ZCCHC24: variants seen among roughly 807,000 people sequenced by gnomAD.
ZCCHC24 encodes zinc finger CCHC domain-containing protein 24.
ZCCHC24 carries 10 observed loss-of-function variants against 26.2 expected under a neutral mutation model. The ratio of observed to expected loss-of-function variants is 0.38; its 90% CI spans 0.24 to 0.65. The LOEUF (loss-of-function observed/expected upper bound fraction) is 0.65. Ranked by LOEUF, ZCCHC24 falls within the 30% of genes least tolerant of loss-of-function variation. The pLI, the probability that ZCCHC24 is intolerant of heterozygous loss-of-function variation, is 0.54. For synonymous variants in ZCCHC24, 144 were observed against 147.1 expected, an observed-to-expected ratio of 0.98 and a Z score of 0.15; for missense variants, 243 against 329.1, an observed-to-expected ratio of 0.74 and a Z score of 2.03.
Position 79,437,531 on chromosome 10 carries a change from G to A in ZCCHC24, c.247-4773C>T, listed in dbSNP as rs545282310. On this transcript the variant is annotated intron_variant, in intron 1 of 3. Coordinates refer to ENST00000372336, the MANE Select transcript of ZCCHC24 (RefSeq NM_153367.4). ...TTGCCCAAGGTAACGCAGCCAGCAC[G>A]TGTTGCCCTGTTATATTTCAGCCTC... 7.9e-4 allele frequency among the ~76,000 whole-genome samples: 120 copies of A among 152,338 alleles called. 3 individuals are homozygous for A. The highest frequency in any genetic ancestry group is 2.5e-3 in the African/African-American group (104 of 41,580).
Position 79,445,549 on chromosome 10 carries a change from C to T in ZCCHC24, c.-109G>A, listed in dbSNP as rs1323423094. ...TGCCCACTGCCCGCCTCCCGAGCCC[C>T]GACGGTGATCGCCCCGCGCCCTGCG... On this transcript the variant is annotated 5_prime_UTR_variant, in exon 1 of 4. Coordinates refer to ENST00000372336, the MANE Select transcript of ZCCHC24 (RefSeq NM_153367.4). The T allele has an allele frequency of 4.0e-6, 4 of 995,680 alleles. No homozygotes were observed. The highest frequency in any genetic ancestry group is 5.0e-6 in the Non-Finnish European group (4 of 794,628). The allele number at this position is 995,680 out of a possible 1,614,324, so 61.7% of individuals were successfully genotyped here. A position where few individuals can be genotyped will look rare whatever the true frequency, so the allele number is the denominator to read the frequency against.
At chr10:79,431,750 C>T (rs1233465233) in intron 2 of ZCCHC24, among the ~76,000 whole-genome samples, 9 of 151,822 alleles carry the variant, frequency 5.9e-5, no homozygotes, top group Admixed American at 1.3e-4. Flanking sequence ...CCATTACAAA[C>T]GTAAAATAAA....
intron 2 of ZCCHC24, among the ~76,000 whole-genome samples, chr10:79,403,744 C>A (rs1333948833): frequency 6.6e-6 from 1 of 152,192 alleles, no homozygotes. Context: ...CCCCTCCCAC[C>A]CCCGTTCCCA....
At chr10:79,393,321 T>C (rs1009554796) in intron 3 of ZCCHC24, among the ~76,000 whole-genome samples, 1 of 152,196 alleles carries the variant, frequency 6.6e-6, no homozygotes, top group African/African-American at 2.4e-5. Context: ...TGGTTTCATT[T>C]CCAACATCTG....
chr10:79,442,167 T>C (rs1339447114), intron 1 of ZCCHC24, among the ~76,000 whole-genome samples: 1 of 152,196 alleles, frequency 6.6e-6, no homozygotes, highest in Non-Finnish European at 1.5e-5. Flanking sequence ...AGATCAGGTT[T>C]TTGAAACTGG....
chr10:79,385,748 AG>A lies in ZCCHC24; in HGVS notation c.*596del, dbSNP rs1856381456. ...ATAGCGTGGGGAGGGGGGCACACCC[AG>A]GTGCAATGCCAGTGATGTCAGAGGG... On this transcript the variant is annotated 3_prime_UTR_variant, in exon 4 of 4. Coordinates refer to ENST00000372336, the MANE Select transcript of ZCCHC24 (RefSeq NM_153367.4). The surrounding 1 kb of genome is among the most constrained non-coding windows in gnomAD (Gnocchi z 4.3). 6.1e-6 allele frequency: 1 copy of A among 163,606 alleles called. No homozygotes were observed. Among genetic ancestry groups the A allele is most frequent in the African/African-American group, 2.4e-5 (1 of 41,880 alleles). 10.1% of individuals were successfully genotyped at this position (163,606 alleles called of 1,614,324 possible).
At chr10:79,405,748 G>T (rs1480764309) in intron 2 of ZCCHC24, among the ~76,000 whole-genome samples, 1 of 152,248 alleles carries the variant, frequency 6.6e-6, no homozygotes, top group African/African-American at 2.4e-5. Flanking sequence ...GCCCTGGGAG[G>T]AGGGGACAGG....
In ZCCHC24 at chr10:79,445,275, C is replaced by G. The variant is rs1386206653; in HGVS notation, c.166G>C (p.Gly56Arg). The G allele has an allele frequency of 2.1e-6, 3 of 1,462,678 alleles. No homozygotes were observed. Among genetic ancestry groups the G allele is most frequent in the Admixed American group, 2.5e-5 (1 of 40,354 alleles). The allele number at this position is 1,462,678 out of a possible 1,614,324, so 90.6% of individuals were successfully genotyped here. Residue 56 changes from glycine to arginine, a missense_variant, in exon 1 of 4, where the codon GGC becomes CGC. By Grantham distance (125) the Gly-to-Arg change is moderately radical (BLOSUM62 -2). This residue lies in a region of ZCCHC24 where 147 missense variants were observed against 150.8 expected (regional missense o/e 0.97). Coordinates refer to ENST00000372336, the MANE Select transcript of ZCCHC24 (RefSeq NM_153367.4). ...CCCAGCTGCTCGGGGCGGCCCTTGCCGAAGGCCAGCTCCGGGGGTGCGGCG... is the reference window on the plus strand; with the variant it reads ...CCCAGCTGCTCGGGGCGGCCCTTGCGGAAGGCCAGCTCCGGGGGTGCGGCG... ...AGAAPPELAF[G>R]KGRPEQLGSP...
chr10:79,418,978 T>G lies in ZCCHC24; in HGVS notation c.447+13580A>C, dbSNP rs187764159. On this transcript the variant is annotated intron_variant, in intron 2 of 3. Transcript: ENST00000372336. ...AAAGGCATTGCAGACTCGGGGACAG[T>G]GTGAGCAAGGCCTTGAGGCTGAGAA... Among the ~76,000 whole-genome samples, 12 of 152,036 alleles carry G rather than the reference T, an allele frequency of 7.9e-5. No homozygotes were observed. The East Asian group carries it at 2.1e-3, about 27-fold the overall frequency.
chr10:79,407,351 GA>G (rs1856731730), intron 2 of ZCCHC24, among the ~76,000 whole-genome samples: 1 of 152,254 alleles, frequency 6.6e-6, no homozygotes, highest in South Asian at 2.1e-4. Context: ...AGCAGGAAGT[GA>G]AGGCTCATTC....
chr10:79,440,969 T>A (rs1201971688), intron 1 of ZCCHC24, among the ~76,000 whole-genome samples: 1 of 152,092 alleles, frequency 6.6e-6, no homozygotes, highest in African/African-American at 2.4e-5. Context: ...CCTCCTTGCC[T>A]GAGTCACACT....
At position 79,445,285 on chromosome 10, in the gene ZCCHC24, C is replaced by T; in HGVS notation, c.156G>A (p.Glu52=). The T allele has an allele frequency of 6.7e-7, 1 of 1,481,728 alleles. No homozygotes were observed. Among genetic ancestry groups the T allele is most frequent in the Non-Finnish European group, 9.0e-7 (1 of 1,114,306 alleles). The allele number at this position is 1,481,728 out of a possible 1,614,324, so 91.8% of individuals were successfully genotyped here. Residue 52 remains glutamate, a synonymous_variant, in exon 1 of 4, where the codon GAG becomes GAA. Coordinates refer to ENST00000372336, the MANE Select transcript of ZCCHC24 (RefSeq NM_153367.4). Reference sequence around the variant, plus strand: ...CGGGGCGGCCCTTGCCGAAGGCCAGCTCCGGGGGTGCGGCGCCGGCGGTCG... The same window carrying T: ...CGGGGCGGCCCTTGCCGAAGGCCAGTTCCGGGGGTGCGGCGCCGGCGGTCG... ...PEPTAGAAPP[E]LAFGKGRPEQ...
intron 2 of ZCCHC24, chr10:79,394,740 C>T: frequency 1.4e-6 from 1 of 713,662 alleles, no homozygotes; most frequent in Non-Finnish European, 1.7e-6. Flanking sequence ...ACTTCCTTAA[C>T]TCACACGTCA....
intron 2 of ZCCHC24, among the ~76,000 whole-genome samples, chr10:79,411,790 AG>A (rs1445449522): frequency 6.6e-6 from 1 of 152,100 alleles, no homozygotes; most frequent in Non-Finnish European, 1.5e-5. Flanking sequence ...GGAGACCTCC[AG>A]GAGGCCTCGG....
chr10:79,398,406 T>C (rs963805862), intron 2 of ZCCHC24, among the ~76,000 whole-genome samples: 7 of 152,204 alleles, frequency 4.6e-5, no homozygotes, highest in African/African-American at 1.2e-4. Context: ...AGCTCAGTGG[T>C]TGGCACACTG....
chr10:79,419,501 C>T (rs1304358351), intron 2 of ZCCHC24, among the ~76,000 whole-genome samples: 1 of 152,178 alleles, frequency 6.6e-6, no homozygotes, highest in African/African-American at 2.4e-5. Context: ...GATGTCCCAG[C>T]CAGAACCTTC....
At position 79,382,402 on chromosome 10, in the gene ZCCHC24, G is replaced by C. The variant is rs1163523972; in HGVS notation, c.*3943C>G. On this transcript the variant is annotated 3_prime_UTR_variant, in exon 4 of 4. Transcript: ENST00000372336. ...GGCGAGCCGTATACAGATTCTCCAGGAATAAGGCACACAACGGAATGCCAT... is the reference window on the plus strand; with the variant it reads ...GGCGAGCCGTATACAGATTCTCCAGCAATAAGGCACACAACGGAATGCCAT... 1 of 152,812 alleles carries C rather than the reference G, an allele frequency of 6.5e-6. No individual in the cohort carries two copies. The highest frequency in any genetic ancestry group is 2.4e-5 in the African/African-American group (1 of 41,454). 9.5% of individuals were successfully genotyped at this position (152,812 alleles called of 1,614,324 possible).
rs545634809 is a variant in ZCCHC24 at position 79,391,501 on chromosome 10, C to T, written c.612+2775G>A. On this transcript the variant is annotated intron_variant, in intron 3 of 3. Transcript: ENST00000372336. ...TGGGGCTTTGGTGCACAGGCTGGGC[C>T]CTGTCTCTCTGCTTAAGTCACAGTG... Among the ~76,000 whole-genome samples, 35 of 152,052 alleles carry T rather than the reference C, an allele frequency of 2.3e-4. No homozygotes were observed. In the South Asian group the frequency reaches 6.2e-3, roughly 27 times the overall value.
chr10:79,438,307 G>A (rs1857244704), intron 1 of ZCCHC24, among the ~76,000 whole-genome samples: 1 of 152,208 alleles, frequency 6.6e-6, no homozygotes, highest in Non-Finnish European at 1.5e-5. Context: ...CTGCTCCCAA[G>A]GGGATCTGTA....
Sources: gnomAD v4.1 joint callset for allele counts (sites outside exome capture counted in the v4.1 genomes callset) on GRCh38, gnomAD v4.1.1 for gene constraint, gnomAD v4.1.1 regional missense constraint, Gnocchi (gnomAD v3.1) non-coding constraint, MANE v1.5 for transcripts, NCBI Gene and HGNC (gene_info 2026-07-23, HGNC 2026-07-21) for gene names.